Variants in ASTN2 observed in about 807,000 individuals in gnomAD.
ASTN2 encodes the protein astrotactin-2.
A neutral mutation model predicts 139.8 loss-of-function variants in ASTN2; 54 were observed. That is an observed-to-expected ratio of 0.39 (90% CI 0.31 to 0.48). The LOEUF (loss-of-function observed/expected upper bound fraction) is 0.48, where lower values mean the gene tolerates loss of function less well. Among genes scored for constraint, ASTN2 ranks in the 20% least tolerant of loss-of-function variants. ASTN2 has a pLI of 0.95. For synonymous variants in ASTN2, 756 were observed against 719.5 expected (o/e 1.05, Z -0.81); for missense variants, 1,565 against 1,725.1 (o/e 0.91, Z 1.64).
chr9:117,375,125 C>T (rs1458570750), intron 1 of ASTN2, among the ~76,000 whole-genome samples: 2 of 152,216 alleles, frequency 1.3e-5, no homozygotes, highest in African/African-American at 4.8e-5. Context: ...TACATGTATG[C>T]ACCACACACT....
At chr9:116,495,981 A>G (rs560291031) in intron 19 of ASTN2, among the ~76,000 whole-genome samples, 3 of 151,906 alleles carry the variant, frequency 2.0e-5, no homozygotes, top group Non-Finnish European at 4.4e-5. Context: ...GGGCTTTTGC[A>G]CCTGTGGTTT....
At chr9:117,155,922 A>T (rs1830423072) in intron 3 of ASTN2, among the ~76,000 whole-genome samples, 2 of 151,954 alleles carry the variant, frequency 1.3e-5, no homozygotes, top group Non-Finnish European at 2.9e-5. Flanking sequence ...GCACAGCTTT[A>T]CTCTTCATTG....
At chr9:117,374,994 C>G (rs1043127399) in intron 1 of ASTN2, among the ~76,000 whole-genome samples, 1 of 152,190 alleles carries the variant, frequency 6.6e-6, no homozygotes, top group African/African-American at 2.4e-5. Context: ...TCTTTAGAAC[C>G]AATCCTTCTT....
At chr9:116,574,446 C>T (rs757110245) in intron 19 of ASTN2, among the ~76,000 whole-genome samples, 1 of 152,204 alleles carries the variant, frequency 6.6e-6, no homozygotes, top group Non-Finnish European at 1.5e-5. Flanking sequence ...TCTCCCACTC[C>T]ACCCAACCCC....
At chr9:116,775,824 AAAGG>A (rs913487444) in intron 13 of ASTN2, among the ~76,000 whole-genome samples, 17 of 143,762 alleles carry the variant, frequency 1.2e-4, no homozygotes, top group African/African-American at 3.1e-4. Flanking sequence ...AGGAAGGAAG[AAAGG>A]AAGGAAGGCA....
intron 19 of ASTN2, among the ~76,000 whole-genome samples, chr9:116,553,040 T>C (rs1203952798): frequency 2.0e-5 from 3 of 152,092 alleles, no homozygotes; most frequent in Admixed American, 6.5e-5. Context: ...AGACAGAGAA[T>C]TGAAGGCTTC....
intron 13 of ASTN2, among the ~76,000 whole-genome samples, chr9:116,766,861 T>C (rs141682654): frequency 1.1e-3 from 168 of 150,812 alleles, no homozygotes; most frequent in African/African-American, 3.7e-3. Context: ...ATCTTCATAC[T>C]CACACATAAA....
intron 11 of ASTN2, among the ~76,000 whole-genome samples, chr9:116,839,743 A>C (rs1832135953): frequency 1.3e-5 from 2 of 151,122 alleles, no homozygotes; most frequent in Non-Finnish European, 1.5e-5. Flanking sequence ...TGATCTCGGC[A>C]TACTGCAACC....
At chr9:117,268,661 A>C (rs1300299608) in intron 2 of ASTN2, among the ~76,000 whole-genome samples, 3 of 152,198 alleles carry the variant, frequency 2.0e-5, no homozygotes, top group African/African-American at 7.2e-5. Context: ...ATGTTCCAGA[A>C]GGTTGAAGAA....
intron 20 of ASTN2, among the ~76,000 whole-genome samples, chr9:116,463,050 C>T (rs1035938035): frequency 3.9e-5 from 6 of 152,010 alleles, no homozygotes; most frequent in African/African-American, 1.2e-4. Flanking sequence ...TGGGTATCAT[C>T]CCCAACCCTT....
chr9:116,738,567 TTATC>T (rs1338529939), intron 13 of ASTN2, among the ~76,000 whole-genome samples: 1 of 151,916 alleles, frequency 6.6e-6, no homozygotes. Context: ...ACTAAAGAAC[TTATC>T]TATCTAATCA....
intron 19 of ASTN2, chr9:116,584,992 G>A (rs891709030): frequency 3.3e-5 from 5 of 152,246 alleles, no homozygotes; most frequent in Non-Finnish European, 7.3e-5. Flanking sequence ...GCACTATGTT[G>A]AGAAGGAAAA....
At chr9:116,900,557 G>C (rs1184128933) in intron 10 of ASTN2, among the ~76,000 whole-genome samples, 1 of 152,104 alleles carries the variant, frequency 6.6e-6, no homozygotes, top group Non-Finnish European at 1.5e-5. Flanking sequence ...AAAAGTTAAA[G>C]TACAAGTCAG....
intron 10 of ASTN2, among the ~76,000 whole-genome samples, chr9:116,899,089 G>C (rs1833945359): frequency 6.6e-6 from 1 of 152,096 alleles, no homozygotes; most frequent in African/African-American, 2.4e-5. Context: ...AATTCCTATA[G>C]TGCCAGTTGA....
intron 1 of ASTN2, among the ~76,000 whole-genome samples, chr9:117,377,353 A>G (rs1166981630): frequency 6.6e-6 from 1 of 152,232 alleles, no homozygotes; most frequent in African/African-American, 2.4e-5. Flanking sequence ...ACTAAACTGC[A>G]GGAAACCAGG....
At chr9:117,295,960 G>A (rs1249050024) in intron 1 of ASTN2, among the ~76,000 whole-genome samples, 3 of 151,950 alleles carry the variant, frequency 2.0e-5, no homozygotes, top group Admixed American at 6.6e-5. Context: ...TGTGTATGTC[G>A]GAGTGGAGCA....
chr9:116,703,831 C>A (rs149375059), intron 16 of ASTN2, among the ~76,000 whole-genome samples: 1 of 152,168 alleles, frequency 6.6e-6, no homozygotes, highest in East Asian at 1.9e-4. Context: ...GACTAGGATG[C>A]TGATTTGCAC....
intron 5 of ASTN2, among the ~76,000 whole-genome samples, chr9:117,079,158 C>A (rs925748359): frequency 6.6e-6 from 1 of 152,124 alleles, no homozygotes; most frequent in Admixed American, 6.5e-5. Flanking sequence ...GAGTTTGAGA[C>A]CAGCCTGGGC....
intron 3 of ASTN2, among the ~76,000 whole-genome samples, chr9:117,166,983 G>C (rs1830684034): frequency 6.6e-6 from 1 of 152,080 alleles, no homozygotes; most frequent in Non-Finnish European, 1.5e-5. Context: ...ATATAAAAGA[G>C]TAATGTTAAA....
Sources: gnomAD v4.1 joint callset for allele counts (sites outside exome capture counted in the v4.1 genomes callset) on GRCh38, gnomAD v4.1.1 for gene constraint, MANE v1.5 for transcripts, NCBI Gene and HGNC (gene_info 2026-07-23, HGNC 2026-07-21) for gene names.